LCOR: variants seen among roughly 807,000 people sequenced by gnomAD.
LCOR encodes the protein ligand dependent nuclear receptor corepressor.
In LCOR, 14 loss-of-function variants were observed where a neutral mutation model predicts 64.4. The ratio of observed to expected loss-of-function variants is 0.22; its 90% CI spans 0.14 to 0.34. LCOR has a LOEUF of 0.34. LCOR is among the 10% of genes least tolerant of loss of function. The pLI is 1.00. For missense variants in LCOR, 1,686 were observed against 1,765.3 expected (o/e 0.96, Z 0.80); for synonymous variants, 643 against 642.5 (o/e 1.00, Z -0.01).
intron 2 of LCOR, among the ~76,000 whole-genome samples, chr10:96,896,872 A>G (rs1846546043): frequency 6.6e-6 from 1 of 152,200 alleles, no homozygotes; most frequent in Admixed American, 6.5e-5. Context: ...ACAAAGGAAT[A>G]GGGAGAGGAT....
At chr10:96,841,177 A>G (rs938482173) in intron 2 of LCOR, among the ~76,000 whole-genome samples, 2 of 152,300 alleles carry the variant, frequency 1.3e-5, no homozygotes, top group East Asian at 1.9e-4. Flanking sequence ...AGTTGTTTAC[A>G]GAGGTGAAGG....
rs1455652162 is a variant in LCOR, at chr10:96,955,188, T to C, written c.332+2992T>C. The C allele has an allele frequency of 1.2e-5, 19 of 1,614,006 alleles. No homozygotes were observed. Among genetic ancestry groups the C allele is most frequent in the African/African-American group, 1.3e-5 (1 of 74,908 alleles). On this transcript the variant is annotated intron_variant, in intron 7 of 7. Coordinates refer to ENST00000421806, the MANE Select transcript of LCOR (RefSeq NM_001346516.2). Reference sequence around the variant, plus strand: ...GAATCATGGACAACACTTAATATTATCCAGGGAAGCCTCTTGGGCAAAACC... The same window carrying C: ...GAATCATGGACAACACTTAATATTACCCAGGGAAGCCTCTTGGGCAAAACC...
At chr10:96,855,970 C>T (rs949139277) in intron 2 of LCOR, among the ~76,000 whole-genome samples, 35 of 151,674 alleles carry the variant, frequency 2.3e-4, no homozygotes, top group Middle Eastern at 3.4e-3. Context: ...TCTTGAACTC[C>T]CGACCTCAGG....
At chr10:96,915,066 C>T (rs1846914021) in intron 4 of LCOR, among the ~76,000 whole-genome samples, 1 of 152,152 alleles carries the variant, frequency 6.6e-6, no homozygotes, top group South Asian at 2.1e-4. Context: ...CAGGGAATCC[C>T]ACTTCCTGGA....
rs759335426 is a variant in LCOR at position 96,873,571 on chromosome 10, C to CACGTGTGT, written c.-329-33694_-329-33693insACGTGTGT. Among the ~76,000 whole-genome samples the CACGTGTGT allele has an allele frequency of 5.5e-5, 7 of 126,386 alleles. No homozygotes were observed. The East Asian group carries it at 8.2e-4, about 15-fold the overall frequency. The allele number at this position is 126,386 out of a possible 152,430, so 82.9% of individuals were successfully genotyped here. On this transcript the variant is annotated intron_variant, in intron 2 of 7. Coordinates refer to ENST00000421806, the MANE Select transcript of LCOR (RefSeq NM_001346516.2). ...TTGTTTTTCGATACACACACACACACGTGTGTGTGTGTGTGTGTGTGTGTG... is the reference window on the plus strand; with the variant it reads ...TTGTTTTTCGATACACACACACACACACGTGTGTGTGTGTGTGTGTGTGTGTGTGTGTG...
chr10:96,864,827 T>G (rs570852444), intron 2 of LCOR, among the ~76,000 whole-genome samples: 2 of 152,368 alleles, frequency 1.3e-5, no homozygotes, highest in South Asian at 4.1e-4. Context: ...AGCAATAGCC[T>G]AGGTGTGTAG....
At chr10:96,941,371 C>A (rs1233668141) in intron 4 of LCOR, among the ~76,000 whole-genome samples, 7 of 139,000 alleles carry the variant, frequency 5.0e-5, no homozygotes, top group African/African-American at 1.7e-4. Context: ...CGGGCAGAGG[C>A]GCCCCTCACC....
chr10:96,833,181 G>T (rs1845376746), intron 1 of LCOR: 2 of 985,122 alleles, frequency 2.0e-6, no homozygotes, highest in South Asian at 9.4e-5. Flanking sequence ...GGGTCCGACC[G>T]AGGAGCCCCG....
At chr10:96,970,571 A>G (rs1032816874) in intron 7 of LCOR, among the ~76,000 whole-genome samples, 3 of 151,554 alleles carry the variant, frequency 2.0e-5, no homozygotes, top group African/African-American at 7.3e-5. Flanking sequence ...GCTACAGCCT[A>G]TTAATGGATT....
Position 96,925,452 on chromosome 10 carries a change from T to C in LCOR, c.-184+17705T>C, listed in dbSNP as rs183347134. 2.2e-3 allele frequency among the ~76,000 whole-genome samples: 339 copies of C among 152,266 alleles called. 3 individuals are homozygous for C. Among genetic ancestry groups the C allele is most frequent in the African/African-American group, 8.0e-3 (332 of 41,548 alleles). ...TTTGTAGAATTTCTCTTAATTTAGG[T>C]TTTTCTGATGTTTCTTTATGATTAA... On this transcript the variant is annotated intron_variant, in intron 4 of 7. Coordinates refer to ENST00000421806, the MANE Select transcript of LCOR (RefSeq NM_001346516.2).
chr10:96,869,499 G>A (rs1332134333), intron 2 of LCOR, among the ~76,000 whole-genome samples: 1 of 151,954 alleles, frequency 6.6e-6, no homozygotes, highest in East Asian at 1.9e-4. Flanking sequence ...ACAGGTATGA[G>A]CCATCGTACC....
chr10:96,911,632 T>A (rs186806155), intron 4 of LCOR, among the ~76,000 whole-genome samples: 1 of 152,126 alleles, frequency 6.6e-6, no homozygotes, highest in Non-Finnish European at 1.5e-5. Flanking sequence ...GAATCCTCAG[T>A]TGGAAATTTC....
In LCOR at chr10:96,920,780, ACACACACACACG is replaced by A. The variant is rs751776624; in HGVS notation, c.-184+13035_-184+13046del. On this transcript the variant is annotated intron_variant, in intron 4 of 7. Coordinates refer to ENST00000421806, the MANE Select transcript of LCOR (RefSeq NM_001346516.2). ...CACACACACACACACACACACACAC[ACACACACACACG>A]CGCGGTGGGGGGGTGGTGGGCGGGA... Among the ~76,000 whole-genome samples the A allele has an allele frequency of 2.1e-3, 262 of 125,100 alleles. 3 individuals carry two copies. In the East Asian group the frequency reaches 0.046, roughly 22 times the overall value. 82.1% of individuals were successfully genotyped at this position (125,100 alleles called of 152,430 possible).
chr10:96,846,288 T>C (rs958533639), intron 2 of LCOR, among the ~76,000 whole-genome samples: 3 of 152,068 alleles, frequency 2.0e-5, no homozygotes, highest in African/African-American at 7.2e-5. Context: ...AGGGTCTTGC[T>C]CTGTCACTCA....
intron 7 of LCOR, among the ~76,000 whole-genome samples, chr10:96,969,929 G>A (rs994933381): frequency 1.2e-4 from 17 of 136,722 alleles, no homozygotes; most frequent in Admixed American, 1.5e-4. Flanking sequence ...ACAGGCACCC[G>A]CCATCACACC....
chr10:96,848,368 G>C (rs918531799), intron 2 of LCOR, among the ~76,000 whole-genome samples: 1 of 152,006 alleles, frequency 6.6e-6, no homozygotes. Context: ...TTTAAAAACC[G>C]GATGCTGGGC....
At chr10:96,917,294 G>C (rs528944641) in intron 4 of LCOR, among the ~76,000 whole-genome samples, 1 of 152,326 alleles carries the variant, frequency 6.6e-6, no homozygotes, top group South Asian at 2.1e-4. Flanking sequence ...AGATAACAGA[G>C]AAGTAAAAGA....
At chr10:96,872,025 T>G (rs1846080856) in intron 2 of LCOR, among the ~76,000 whole-genome samples, 2 of 152,234 alleles carry the variant, frequency 1.3e-5, no homozygotes, top group South Asian at 4.1e-4. Context: ...ACATAGTCCA[T>G]GCCACATAGA....
chr10:96,957,242 C>T (rs1847799344), intron 7 of LCOR: 1 of 984,800 alleles, frequency 1.0e-6, no homozygotes, highest in African/African-American at 1.8e-5. Context: ...TAATACCCCC[C>T]TTCTTGACTT....
Sources: allele counts gnomAD v4.1 joint callset (sites outside exome capture counted in the v4.1 genomes callset), GRCh38; gene constraint gnomAD v4.1.1; transcripts MANE v1.5; gene names NCBI Gene and HGNC (gene_info 2026-07-23, HGNC 2026-07-21).